Variants in RALYL observed in about 807,000 individuals in gnomAD.
The protein encoded by RALYL is RALY RNA binding protein like, also known as RNA-binding Raly-like protein.
A neutral mutation model predicts 35.1 loss-of-function variants in RALYL; 29 were observed. That is an observed-to-expected ratio of 0.83 (90% confidence interval 0.61 to 1.13). RALYL has a LOEUF of 1.13. Ranked by LOEUF, RALYL falls within the 50% of genes most tolerant of loss-of-function variation. The probability of loss-of-function intolerance (pLI) is 0.00; values close to 1 mark genes in which losing one functional copy is unlikely to be tolerated. For synonymous variants in RALYL, 120 were observed against 127.6 expected (o/e 0.94, Z 0.40); for missense variants, 359 against 360.4 (o/e 1.00, Z 0.03).
At chr8:84,767,517 A>G (rs944132165) in intron 2 of RALYL, among the ~76,000 whole-genome samples, 1 of 152,184 alleles carries the variant, frequency 6.6e-6, no homozygotes, top group Admixed American at 6.5e-5. Flanking sequence ...AACTTGAAAT[A>G]TTGAAACTTC....
intron 1 of RALYL, among the ~76,000 whole-genome samples, chr8:84,332,827 A>G (rs1317472507): frequency 6.6e-6 from 1 of 152,080 alleles, no homozygotes; most frequent in Non-Finnish European, 1.5e-5. Context: ...TCAGAGAAAA[A>G]GAGCTGGAGG....
intron 6 of RALYL, among the ~76,000 whole-genome samples, chr8:84,866,989 C>T (rs569132382): frequency 1.3e-5 from 2 of 152,206 alleles, no homozygotes; most frequent in South Asian, 2.1e-4. Flanking sequence ...TACCACAGTT[C>T]GGGTGGCTTA....
At chr8:84,715,976 G>C (rs746642222) in intron 2 of RALYL, among the ~76,000 whole-genome samples, 1 of 151,972 alleles carries the variant, frequency 6.6e-6, no homozygotes, top group Non-Finnish European at 1.5e-5. Context: ...CTTAGACTCC[G>C]TATAGAGTAT....
chr8:84,920,413 C>A (rs1182436458), intron 8 of RALYL, among the ~76,000 whole-genome samples: 1 of 152,070 alleles, frequency 6.6e-6, no homozygotes, highest in Non-Finnish European at 1.5e-5. Context: ...TCTTCTTTTG[C>A]AACCAAGATT....
intron 1 of RALYL, among the ~76,000 whole-genome samples, chr8:84,463,618 T>A (rs1275189737): frequency 2.6e-5 from 4 of 152,106 alleles, no homozygotes; most frequent in African/African-American, 7.2e-5. Flanking sequence ...TTGTGCTCAG[T>A]AAGTTATTTA....
intron 8 of RALYL, among the ~76,000 whole-genome samples, chr8:84,903,923 C>A (rs1846086140): frequency 1.3e-5 from 2 of 152,128 alleles, no homozygotes; most frequent in South Asian, 4.1e-4. Flanking sequence ...TTTATTCACT[C>A]AGCCAGCAAA....
chr8:84,234,847 C>G (rs1443728615), intron 1 of RALYL, among the ~76,000 whole-genome samples: 1 of 152,028 alleles, frequency 6.6e-6, no homozygotes, highest in African/African-American at 2.4e-5. Flanking sequence ...TCACCACAAC[C>G]TCTGCCTCCC....
At chr8:84,486,626 G>GA (rs1287482720) in intron 1 of RALYL, among the ~76,000 whole-genome samples, 1 of 151,694 alleles carries the variant, frequency 6.6e-6, no homozygotes, top group Non-Finnish European at 1.5e-5. Flanking sequence ...CACAAAATTA[G>GA]AAAAACATTT....
chr8:84,646,579 AT>A (rs570562143), intron 2 of RALYL, among the ~76,000 whole-genome samples: 6 of 151,700 alleles, frequency 4.0e-5, no homozygotes, highest in Admixed American at 6.6e-5. Flanking sequence ...ATGTGGTCTG[AT>A]TTTTTTTCTA....
chr8:84,255,686 TAAAC>T (rs1174839291), intron 1 of RALYL, among the ~76,000 whole-genome samples: 3 of 152,084 alleles, frequency 2.0e-5, no homozygotes, highest in Non-Finnish European at 2.9e-5. Context: ...TGCCGCAGAA[TAAAC>T]ACTCAATAAA....
chr8:84,624,927 A>G (rs1822399078), intron 2 of RALYL, among the ~76,000 whole-genome samples: 1 of 152,196 alleles, frequency 6.6e-6, no homozygotes, highest in Admixed American at 6.5e-5. Context: ...CATAAGTCAT[A>G]CTGACATCAT....
chr8:84,351,901 A>G (rs1850968933), intron 1 of RALYL, among the ~76,000 whole-genome samples: 1 of 150,428 alleles, frequency 6.6e-6, no homozygotes, highest in South Asian at 2.1e-4. Flanking sequence ...AATTAAGTTC[A>G]TGATGACTGA....
intron 2 of RALYL, among the ~76,000 whole-genome samples, chr8:84,546,513 C>T (rs2060370889): frequency 6.6e-6 from 1 of 152,152 alleles, no homozygotes; most frequent in Non-Finnish European, 1.5e-5. Flanking sequence ...GACTTTTCTC[C>T]ACAACTCTAC....
In RALYL at chr8:84,287,994, A is replaced by G. The variant is rs539934243; in HGVS notation, c.-24+103570A>G. 4.6e-5 allele frequency among the ~76,000 whole-genome samples: 7 copies of G among 152,254 alleles called. No individual in the cohort carries two copies. In the South Asian group the frequency reaches 1.5e-3, roughly 32 times the overall value. ...CACAGAGCTGTGCAAAGAAAGAACTATAAGTATTCTGAAATAAATGGAATG... is the reference window on the plus strand; with the variant it reads ...CACAGAGCTGTGCAAAGAAAGAACTGTAAGTATTCTGAAATAAATGGAATG... On this transcript the variant is annotated intron_variant, in intron 1 of 8. Transcript: ENST00000521268.
At chr8:84,443,402 T>C (rs2048533500) in intron 1 of RALYL, among the ~76,000 whole-genome samples, 1 of 152,156 alleles carries the variant, frequency 6.6e-6, no homozygotes, top group African/African-American at 2.4e-5. Flanking sequence ...TATTTTCAGT[T>C]AATGTTTGGA....
intron 6 of RALYL, among the ~76,000 whole-genome samples, chr8:84,865,935 TAAG>T (rs936700363): frequency 1.2e-4 from 18 of 152,172 alleles, no homozygotes; most frequent in Admixed American, 3.3e-4. Flanking sequence ...TCCCCAATGC[TAAG>T]AAGGCTTTCT....
At chr8:84,374,954 A>G (rs142456308) in intron 1 of RALYL, among the ~76,000 whole-genome samples, 3 of 151,946 alleles carry the variant, frequency 2.0e-5, no homozygotes, top group African/African-American at 7.2e-5. Context: ...GTTCTAACCA[A>G]CCAACTTCCT....
At chr8:84,410,262 G>A (rs1291541393) in intron 1 of RALYL, among the ~76,000 whole-genome samples, 2 of 151,866 alleles carry the variant, frequency 1.3e-5, no homozygotes, top group Non-Finnish European at 2.9e-5. Flanking sequence ...TCTAGAACCG[G>A]ATTGCCTAGG....
chr8:84,188,380 A>G (rs1009059000), intron 1 of RALYL, among the ~76,000 whole-genome samples: 2 of 152,096 alleles, frequency 1.3e-5, no homozygotes, highest in African/African-American at 4.8e-5. Flanking sequence ...AAATAATAAC[A>G]TGTTTAAAAA....
Sources: allele counts gnomAD v4.1 joint callset (sites outside exome capture counted in the v4.1 genomes callset), GRCh38; gene constraint gnomAD v4.1.1; transcripts MANE v1.5; gene names NCBI Gene and HGNC (gene_info 2026-07-23, HGNC 2026-07-21).